RIF1: variants seen among roughly 807,000 people sequenced by gnomAD.
RIF1 encodes replication timing regulatory factor 1, also known as telomere-associated protein RIF1.
A neutral mutation model predicts 247.1 loss-of-function variants in RIF1; 45 were observed. That is an observed-to-expected ratio of 0.18 (90% confidence interval 0.14 to 0.23). RIF1 has a LOEUF of 0.23. Among genes scored for constraint, RIF1 ranks in the 10% least tolerant of loss-of-function variants. The probability of loss-of-function intolerance (pLI) is 1.00; values close to 1 mark genes in which losing one functional copy is unlikely to be tolerated. For missense variants in RIF1, 2,967 were observed against 2,862.5 expected, an observed-to-expected ratio of 1.04 and a Z score of -0.83; for synonymous variants, 1,087 against 978.8, an observed-to-expected ratio of 1.11 and a Z score of -2.06.
Position 151,464,760 on chromosome 2 carries a change from T to C in RIF1, c.5240T>C (p.Ile1747Thr), listed in dbSNP as rs1421648955. The change falls in exon 30 of 36, where the codon ATT becomes ACT. Residue 1747 changes from isoleucine to threonine, a missense_variant. Coordinates refer to ENST00000444746, the MANE Select transcript of RIF1 (RefSeq NM_018151.5). ...TCACAACCTCAGGAAAAGTCACTCATTGGGTTAAAGAATACAGAAAATAAT... is the reference window on the plus strand; with the variant it reads ...TCACAACCTCAGGAAAAGTCACTCACTGGGTTAAAGAATACAGAAAATAAT... ...EKSQPQEKSL[I>T]GLKNTENNDV... is the part of the protein sequence containing the mutation. The C allele has an allele frequency of 4.3e-6, 7 of 1,613,610 alleles. No individual in the cohort carries two copies. Among genetic ancestry groups the C allele is most frequent in the African/African-American group, 2.7e-5 (2 of 74,870 alleles).
At position 151,464,615 on chromosome 2, in the gene RIF1, A is replaced by G; in HGVS notation, c.5095A>G (p.Lys1699Glu). Reference sequence around the variant, plus strand: ...TAATTGTAGTTTGGGAGAATCCTCAAAAATAGGGATATCAGATATTTCTTC... The same window carrying G: ...TAATTGTAGTTTGGGAGAATCCTCAGAAATAGGGATATCAGATATTTCTTC... ...FDNCSLGESS[K>E]IGISDISSLS... The change falls in exon 30 of 36, where the codon AAA (lysine) becomes GAA (glutamate). Residue 1699 changes from lysine (K) to glutamate (E), a missense_variant. Lys to Glu is a moderately conservative substitution (Grantham distance 56, BLOSUM62 1). Transcript: ENST00000444746. 2 of 1,613,798 alleles carry G rather than the reference A, an allele frequency of 1.2e-6. No individual in the cohort carries two copies. Among genetic ancestry groups the G allele is most frequent in the Non-Finnish European group, 8.5e-7 (1 of 1,179,826 alleles).
At chr2:151,485,717 A>G (rs924281589), downstream of RIF1, 1 of 1,556,556 alleles carries the variant, frequency 6.4e-7, no homozygotes, top group East Asian at 2.3e-5. Flanking sequence ...CATTGACTGC[A>G]GGATCTGTAA....
At chr2:151,493,110 C>T (rs1367474684) in intron 9 of RIF1, 1 of 425,664 alleles carries the variant, frequency 2.3e-6, no homozygotes, top group Non-Finnish European at 4.2e-6. Flanking sequence ...TGGCAATTAA[C>T]TTGTTATGTT....
At chr2:151,501,301 G>T (rs1402411758) in intron 11 of RIF1, 20 of 852,438 alleles carry the variant, frequency 2.3e-5, no homozygotes, top group Non-Finnish European at 3.5e-5. Context: ...TTGTTAAATT[G>T]ATTATTATAA....
the RIF1 span, chr2:151,530,783 C>T: frequency 2.4e-6 from 1 of 414,294 alleles, no homozygotes; most frequent in Non-Finnish European, 4.3e-6. Context: ...TTGACTGAGC[C>T]CCAGGTGTCT....
At position 151,442,825 on chromosome 2, in the gene RIF1, G is replaced by T. The variant is rs1010092098; in HGVS notation, c.1735-434G>T. 2.9e-5 allele frequency among the ~76,000 whole-genome samples: 4 copies of T among 139,758 alleles called. No individual in the cohort carries two copies. In the East Asian group the frequency reaches 6.7e-4, roughly 23 times the overall value. The allele number at this position is 139,758 out of a possible 152,430, so 91.7% of individuals were successfully genotyped here. A position where few individuals can be genotyped will look rare whatever the true frequency, so the allele number is the denominator to read the frequency against. On this transcript the variant is annotated intron_variant, in intron 16 of 35. Transcript: ENST00000444746. ...GTCAGGCTGTTGCGCAGTCTGGAGTGCAGTGGCGTGATCTCGGCTCACTGC... is the reference window on the plus strand; with the variant it reads ...GTCAGGCTGTTGCGCAGTCTGGAGTTCAGTGGCGTGATCTCGGCTCACTGC...
the RIF1 span, among the ~76,000 whole-genome samples, chr2:151,528,111 T>G: frequency 4.6e-5 from 7 of 152,124 alleles, no homozygotes; most frequent in Non-Finnish European, 8.8e-5. Flanking sequence ...AAGGTGAGAC[T>G]TAGCAATTGG....
chr2:151,457,643 A>C, intron 23 of RIF1, 118 bp from the exon 24 acceptor site: 1 of 674,662 alleles, frequency 1.5e-6, no homozygotes, highest in East Asian at 2.7e-5. Flanking sequence ...ATATATATTT[A>C]AGGCAACAGT....
intron 10 of RIF1, among the ~76,000 whole-genome samples, chr2:151,499,136 C>A (rs996156947): frequency 6.6e-6 from 1 of 151,548 alleles, no homozygotes; most frequent in African/African-American, 2.4e-5. Context: ...AATGTTTTAC[C>A]AAAATGGGGA....
In RIF1 at chr2:151,499,582, A is replaced by G. The variant is rs192693221; in HGVS notation, c.*709+42A>G. 5 of 433,578 alleles carry G rather than the reference A, an allele frequency of 1.2e-5. No individual in the cohort carries two copies. The Admixed American group carries it at 1.6e-4, about 14-fold the overall frequency. The allele number at this position is 433,578 out of a possible 1,614,324, so 26.9% of individuals were successfully genotyped here. A position where few individuals can be genotyped will look rare whatever the true frequency, so the allele number is the denominator to read the frequency against. On this transcript the variant is annotated intron_variant and NMD_transcript_variant, in intron 11 of 13. Transcript: ENST00000454583. ...TATTTCCTTAGTGAAATATCAGTGTATTTGATATTCATCATCTTTTTATTG... is the reference window on the plus strand; with the variant it reads ...TATTTCCTTAGTGAAATATCAGTGTGTTTGATATTCATCATCTTTTTATTG...
chr2:151,458,554 A>G (rs553086101), intron 24 of RIF1, among the ~76,000 whole-genome samples: 1 of 152,048 alleles, frequency 6.6e-6, no homozygotes, highest in African/African-American at 2.4e-5. Flanking sequence ...AAAGCTAGAC[A>G]TGAATACTTT....
At position 151,475,163 on chromosome 2, in the gene RIF1, A is replaced by C; in HGVS notation, c.*92A>C. 1 of 894,684 alleles carries C rather than the reference A, an allele frequency of 1.1e-6. No homozygotes were observed. The highest frequency in any genetic ancestry group is 1.5e-5 in the South Asian group (1 of 67,780). The allele number at this position is 894,684 out of a possible 1,614,324, so 55.4% of individuals were successfully genotyped here. On this transcript the variant is annotated 3_prime_UTR_variant, in exon 36 of 36. Transcript: ENST00000444746. ...TGAAATAATAGCACAATTTCAAAGA[A>C]GAGACTCTTTGCAAAGTTGATAACA...
Position 151,441,911 on chromosome 2 carries a change from A to G in RIF1, c.1654A>G (p.Met552Val). The change falls in exon 16 of 36, where the codon ATG becomes GTG. Residue 552 changes from methionine (M) to valine (V), a missense_variant. Coordinates refer to ENST00000444746, the MANE Select transcript of RIF1 (RefSeq NM_018151.5). ...VFPVSKTLVL[M>V]EITIKGLPQK... The stretch of plus-strand genomic sequence containing the variant: ...AACCTTTTATCTCTCATAGGTCCTC[A>G]TGGAAATTACAATTAAAGGACTTCC... 1.3e-6 allele frequency: 2 copies of G among 1,522,604 alleles called. No individual in the cohort carries two copies. The highest frequency in any genetic ancestry group is 1.8e-6 in the Non-Finnish European group (2 of 1,111,248). The allele number at this position is 1,522,604 out of a possible 1,614,324, so 94.3% of individuals were successfully genotyped here.
chr2:151,445,431 CAG>C lies in RIF1; in HGVS notation c.2084_2085del (p.Arg695IlefsTer11), dbSNP rs1693085227. On this transcript the variant is annotated frameshift_variant, in exon 19 of 36. Coordinates refer to ENST00000444746, the MANE Select transcript of RIF1 (RefSeq NM_018151.5). LOFTEE classifies it high-confidence loss of function. ...TLPVNHIFSE[Q>X]RFPVATMKTL... ...ACCAGTAAACCACATTTTTTCAGAACAGAGATTTCCAGTGGTAAGGCATTGTC... is the reference window on the plus strand; with the variant it reads ...ACCAGTAAACCACATTTTTTCAGAACAGATTTCCAGTGGTAAGGCATTGTC... 2 of 1,537,020 alleles carry C rather than the reference CAG, an allele frequency of 1.3e-6. No homozygotes were observed. The highest frequency in any genetic ancestry group is 1.8e-6 in the Non-Finnish European group (2 of 1,109,860).
intron 4 of RIF1, among the ~76,000 whole-genome samples, chr2:151,415,298 G>C (rs1270772229): frequency 2.0e-5 from 3 of 149,166 alleles, no homozygotes; most frequent in Non-Finnish European, 4.4e-5. Flanking sequence ...AGTGAGTCGA[G>C]ATCGTGCCAT....
chr2:151,436,177 G>T, intron 11 of RIF1, among the ~76,000 whole-genome samples: 1 of 152,044 alleles, frequency 6.6e-6, no homozygotes. Context: ...AGTGAGCCGA[G>T]ATCTCGCCAC....
intron 3 of RIF1, among the ~76,000 whole-genome samples, chr2:151,412,678 T>A (rs1351538463): frequency 6.6e-6 from 1 of 152,156 alleles, no homozygotes; most frequent in East Asian, 1.9e-4. Flanking sequence ...AGACGGGCTT[T>A]CACCATGTTG....
chr2:151,435,398 G>T, intron 10 of RIF1, 65 bp from the exon 11 acceptor site: 2 of 886,580 alleles, frequency 2.3e-6, no homozygotes, highest in Non-Finnish European at 3.7e-6. Context: ...TTTATATTAT[G>T]TGAGGCTTTT....
chr2:151,498,039 G>GAAAC (rs2061487221), intron 10 of RIF1: 2 of 1,445,260 alleles, frequency 1.4e-6, no homozygotes, highest in South Asian at 3.0e-5. Context: ...CACACAAATG[G>GAAAC]AAACATTCAT....
Sources: allele counts gnomAD v4.1 joint callset (sites outside exome capture counted in the v4.1 genomes callset), GRCh38; gene constraint gnomAD v4.1.1; transcripts MANE v1.5; gene names NCBI Gene and HGNC (gene_info 2026-07-23, HGNC 2026-07-21).